ZNF536: variants seen among roughly 807,000 people sequenced by gnomAD.
The protein encoded by ZNF536 is zinc finger protein 536.
Under a neutral mutation model 84.5 loss-of-function variants are expected in ZNF536, and 13 were observed. The observed-to-expected ratio is 0.15, with a 90% CI of 0.10 to 0.24. The LOEUF (loss-of-function observed/expected upper bound fraction) is 0.24. Ranked by LOEUF, ZNF536 falls within the 10% of genes least tolerant of loss-of-function variation. ZNF536 has a pLI of 1.00. For missense variants in ZNF536, 1,536 were observed against 1,747.5 expected, an observed-to-expected ratio of 0.88 and a Z score of 2.16; for synonymous variants, 811 against 742.5, an observed-to-expected ratio of 1.09 and a Z score of -1.50.
intron 1 of ZNF536, among the ~76,000 whole-genome samples, chr19:30,609,719 C>G (rs2048020485): frequency 6.6e-6 from 1 of 152,120 alleles, no homozygotes; most frequent in African/African-American, 2.4e-5. Context: ...TTTATTCATC[C>G]ATCCATCCAT....
intron 2 of ZNF536, among the ~76,000 whole-genome samples, chr19:30,525,646 T>G: frequency 6.6e-6 from 1 of 151,964 alleles, no homozygotes; most frequent in Non-Finnish European, 1.5e-5. Flanking sequence ...GGTTGGGAGA[T>G]TTCCTTCCAA....
chr19:30,603,484 T>C (rs1302246657), intron 1 of ZNF536, among the ~76,000 whole-genome samples: 2 of 152,208 alleles, frequency 1.3e-5, no homozygotes, highest in East Asian at 3.8e-4. Context: ...AAAAATAGTG[T>C]GGAGTCTGTT....
At chr19:30,492,013 A>C in intron 2 of ZNF536, among the ~76,000 whole-genome samples, 1 of 147,198 alleles carries the variant, frequency 6.8e-6, no homozygotes, top group Admixed American at 6.9e-5. Flanking sequence ...CCTTTGTCTA[A>C]GTCTATCTTC....
intron 1 of ZNF536, among the ~76,000 whole-genome samples, chr19:30,266,233 A>G (rs534692910): frequency 2.0e-5 from 3 of 152,156 alleles, no homozygotes; most frequent in South Asian, 4.2e-4. Context: ...TTTTTTTTGT[A>G]GAGAGGGGGT....
At chr19:30,495,829 G>C (rs949842960) in intron 2 of ZNF536, among the ~76,000 whole-genome samples, 1 of 152,224 alleles carries the variant, frequency 6.6e-6, no homozygotes, top group African/African-American at 2.4e-5. Context: ...ACAACGCAGG[G>C]AAAGTCACAG....
chr19:30,624,234 GT>G (rs2048594701), intron 1 of ZNF536, among the ~76,000 whole-genome samples: 1 of 152,114 alleles, frequency 6.6e-6, no homozygotes, highest in Non-Finnish European at 1.5e-5. Flanking sequence ...GTTCCCTCCT[GT>G]CTTTCCAGAC....
intron 1 of ZNF536, among the ~76,000 whole-genome samples, chr19:30,565,762 G>A (rs559516113): frequency 2.6e-5 from 4 of 151,986 alleles, no homozygotes; most frequent in South Asian, 2.1e-4. Context: ...CTCTTCCAGC[G>A]CCTCAGGTTA....
chr19:30,686,760 T>G (rs1404025993), intron 1 of ZNF536, among the ~76,000 whole-genome samples: 1 of 152,152 alleles, frequency 6.6e-6, no homozygotes, highest in African/African-American at 2.4e-5. Flanking sequence ...TCGCCTTCAT[T>G]ATCTCGGCTC....
At chr19:30,666,198 T>C (rs1306116171) in intron 1 of ZNF536, among the ~76,000 whole-genome samples, 3 of 152,058 alleles carry the variant, frequency 2.0e-5, no homozygotes, top group Non-Finnish European at 4.4e-5. Context: ...TCCCAGGAGG[T>C]TCTGAGCTTA....
chr19:30,563,275 C>A (rs973897922), intron 1 of ZNF536, among the ~76,000 whole-genome samples: 2 of 152,138 alleles, frequency 1.3e-5, no homozygotes, highest in Non-Finnish European at 2.9e-5. Flanking sequence ...TTCTTCCCAT[C>A]CCTGGGGTGA....
chr19:30,610,889 C>G (rs577831951), intron 1 of ZNF536, among the ~76,000 whole-genome samples: 1 of 152,268 alleles, frequency 6.6e-6, no homozygotes, highest in African/African-American at 2.4e-5. Context: ...CAAAATGTAG[C>G]CTCTACCAAA....
intron 2 of ZNF536, among the ~76,000 whole-genome samples, chr19:30,352,121 T>C (rs2047949763): frequency 6.6e-6 from 1 of 152,200 alleles, no homozygotes; most frequent in African/African-American, 2.4e-5. Context: ...GGAATCCTGA[T>C]AAATATAAGC....
At chr19:30,653,585 AAGAG>A (rs929137058) in intron 1 of ZNF536, among the ~76,000 whole-genome samples, 1 of 152,214 alleles carries the variant, frequency 6.6e-6, no homozygotes, top group African/African-American at 2.4e-5. Context: ...TGTCTGGGAC[AAGAG>A]ATAGAAGAGA....
chr19:30,676,679 A>C (rs1171364677), intron 1 of ZNF536, among the ~76,000 whole-genome samples: 1 of 152,254 alleles, frequency 6.6e-6, no homozygotes, highest in Non-Finnish European at 1.5e-5. Context: ...GAAACAGTAC[A>C]AATATTAATT....
Position 30,557,150 on chromosome 19 carries a change from C to A in ZNF536, c.3896-7C>A. The A allele has an allele frequency of 6.2e-7, 1 of 1,613,550 alleles. No homozygotes were observed. Among genetic ancestry groups the A allele is most frequent in the Non-Finnish European group, 8.5e-7 (1 of 1,179,696 alleles). ...ATTATTTAATAAATCTGCACATTTTCTTGCAGGTAAGTGACACTCCCTGTC... is the reference window on the plus strand; with the variant it reads ...ATTATTTAATAAATCTGCACATTTTATTGCAGGTAAGTGACACTCCCTGTC... On this transcript the variant is annotated splice_polypyrimidine_tract_variant and splice_region_variant and intron_variant, in intron 4 of 4. Coordinates refer to ENST00000355537, the MANE Select transcript of ZNF536 (RefSeq NM_014717.3).
chr19:30,602,647 G>A (rs995006493), intron 1 of ZNF536, among the ~76,000 whole-genome samples: 1 of 152,132 alleles, frequency 6.6e-6, no homozygotes. Context: ...TGGAATTTTG[G>A]GGCCAGATCC....
At chr19:30,574,698 G>A (rs2046668791) in intron 1 of ZNF536, among the ~76,000 whole-genome samples, 1 of 152,182 alleles carries the variant, frequency 6.6e-6, no homozygotes. Flanking sequence ...GCTCATGCCA[G>A]GCCAGGCCAT....
intron 1 of ZNF536, among the ~76,000 whole-genome samples, chr19:30,435,078 GTGA>G (rs1008601423): frequency 8.2e-5 from 12 of 145,620 alleles, no homozygotes; most frequent in African/African-American, 2.3e-4. Flanking sequence ...GATAATGCTG[GTGA>G]TGATGATGAT....
intron 1 of ZNF536, among the ~76,000 whole-genome samples, chr19:30,704,135 G>A (rs2052117696): frequency 1.3e-5 from 2 of 152,190 alleles, no homozygotes; most frequent in African/African-American, 4.8e-5. Flanking sequence ...CTATCGCCTT[G>A]ATGCTCTCTC....
Sources: gnomAD v4.1 joint callset for allele counts (sites outside exome capture counted in the v4.1 genomes callset) on GRCh38, gnomAD v4.1.1 for gene constraint, MANE v1.5 for transcripts, NCBI Gene and HGNC (gene_info 2026-07-23, HGNC 2026-07-21) for gene names.